The following NT5E variants were observed in gnomAD, a reference collection of about 807,000 sequenced individuals.
NT5E encodes 5'-nucleotidase ecto, also known as 5'-nucleotidase.
A neutral mutation model predicts 55.1 loss-of-function variants in NT5E; 53 were observed. That is an observed-to-expected ratio of 0.96 (90% CI 0.77 to 1.21). The LOEUF is 1.21. Among genes scored for constraint, NT5E ranks in the 50% most tolerant of loss-of-function variants. The pLI is 0.00. For missense variants in NT5E, 683 were observed against 724.3 expected, an observed-to-expected ratio of 0.94 and a Z score of 0.65; for synonymous variants, 270 against 278.4, an observed-to-expected ratio of 0.97 and a Z score of 0.30.
chr6:85,492,292 G>A, intron 8 of NT5E, 115 bp downstream of exon 8: 1 of 902,280 alleles, frequency 1.1e-6, no homozygotes, highest in Non-Finnish European at 1.8e-6. Flanking sequence ...ACTCCCTCCT[G>A]CTTTGCTTGT....
chr6:85,469,367 C>G (rs1769258927), intron 2 of NT5E, among the ~76,000 whole-genome samples: 1 of 152,000 alleles, frequency 6.6e-6, no homozygotes. Context: ...CCCTGGGTAC[C>G]TGTCTGTGTG....
chr6:85,453,800 C>A (rs1313825483), intron 1 of NT5E, among the ~76,000 whole-genome samples: 1 of 152,212 alleles, frequency 6.6e-6, no homozygotes, highest in African/African-American at 2.4e-5. Flanking sequence ...CTTTAACTCA[C>A]CCAGGGGACA....
chr6:85,458,727 G>C (rs75551535), intron 1 of NT5E, among the ~76,000 whole-genome samples: 1 of 152,294 alleles, frequency 6.6e-6, no homozygotes, highest in African/African-American at 2.4e-5. Context: ...CAGAGATATA[G>C]TTGAACCTTC....
chr6:85,476,062 C>A (rs1181193649), intron 3 of NT5E, among the ~76,000 whole-genome samples: 1 of 152,198 alleles, frequency 6.6e-6, no homozygotes. Flanking sequence ...CAAGCAATGT[C>A]CCACGTCACT....
At chr6:85,491,427 C>T (rs1769781577) in intron 7 of NT5E, 1 of 311,092 alleles carries the variant, frequency 3.2e-6, no homozygotes, top group Non-Finnish European at 6.3e-6. Context: ...GCTGTTGAGA[C>T]TGAAGGGCTA....
intron 4 of NT5E, among the ~76,000 whole-genome samples, chr6:85,486,895 A>T (rs1277358821): frequency 6.6e-6 from 1 of 152,214 alleles, no homozygotes; most frequent in Non-Finnish European, 1.5e-5. Context: ...TGTCAGGAAG[A>T]TGAGGTGCAC....
At chr6:85,453,238 G>C (rs567519804) in intron 1 of NT5E, among the ~76,000 whole-genome samples, 130 of 152,278 alleles carry the variant, frequency 8.5e-4, no homozygotes, top group Non-Finnish European at 1.3e-3. Flanking sequence ...CGCTTGGCCT[G>C]GTTACTTTCT....
At chr6:85,475,314 G>T (rs1326765434) in intron 3 of NT5E, among the ~76,000 whole-genome samples, 1 of 152,120 alleles carries the variant, frequency 6.6e-6, no homozygotes, top group African/African-American at 2.4e-5. Context: ...ATTGTAGCTT[G>T]CTCATATTTT....
chr6:85,489,309 GGTAACA>G (rs1467151596), intron 5 of NT5E, among the ~76,000 whole-genome samples, 179 bp from the exon 6 acceptor site: 1 of 152,094 alleles, frequency 6.6e-6, no homozygotes, highest in African/African-American at 2.4e-5. Flanking sequence ...GACATGGACT[GGTAACA>G]GTATATTTTT....
rs1173582960 is a variant in NT5E, at chr6:85,467,253, C to T, written c.533C>T (p.Ser178Phe). ...GTTGTGGGAATCGTTGGATACACTTCCAAAGAAACCCCTTTTCTCTCAAAT... is the reference window on the plus strand; with the variant it reads ...GTTGTGGGAATCGTTGGATACACTTTCAAAGAAACCCCTTTTCTCTCAAAT... ...DEVVGIVGYT[S>F]KETPFLSNPG... Residue 178 changes from serine (S) to phenylalanine (F), a missense_variant, in exon 2 of 9, where the codon TCC becomes TTC. Physicochemically the swap from Ser to Phe is radical, Grantham distance 155 (BLOSUM62 -2). Transcript: ENST00000257770. 6.2e-7 allele frequency: 1 copy of T among 1,614,108 alleles called. No individual in the cohort carries two copies. The highest frequency in any genetic ancestry group is 8.5e-7 in the Non-Finnish European group (1 of 1,179,984).
intron 3 of NT5E, among the ~76,000 whole-genome samples, chr6:85,478,004 G>A (rs922483076): frequency 1.3e-5 from 2 of 148,970 alleles, no homozygotes; most frequent in Non-Finnish European, 3.0e-5. Flanking sequence ...TCCAGCCAGT[G>A]TGACAGAGAG....
At chr6:85,455,853 A>G (rs569310139) in intron 1 of NT5E, among the ~76,000 whole-genome samples, 1 of 152,194 alleles carries the variant, frequency 6.6e-6, no homozygotes, top group Non-Finnish European at 1.5e-5. Flanking sequence ...AATCCCACAC[A>G]CATCTGGTCA....
At chr6:85,465,786 A>G (rs539964079) in intron 1 of NT5E, among the ~76,000 whole-genome samples, 1 of 152,370 alleles carries the variant, frequency 6.6e-6, no homozygotes, top group South Asian at 2.1e-4. Flanking sequence ...GCACTCATAT[A>G]GTCAGGAGAC....
intron 1 of NT5E, among the ~76,000 whole-genome samples, chr6:85,466,075 AGGAGGCCAAT>A (rs1769185975): frequency 6.6e-6 from 1 of 152,208 alleles, no homozygotes; most frequent in African/African-American, 2.4e-5. Context: ...GGGTGTATCC[AGGAGGCCAAT>A]GGAGGAAGGA....
At chr6:85,473,789 C>T (rs1055415088) in intron 3 of NT5E, among the ~76,000 whole-genome samples, 9 of 152,332 alleles carry the variant, frequency 5.9e-5, no homozygotes, top group Middle Eastern at 6.8e-3. Flanking sequence ...TTTCTAAAAA[C>T]TCAGCTTTAA....
intron 1 of NT5E, among the ~76,000 whole-genome samples, chr6:85,466,185 A>G (rs1413786528): frequency 6.6e-6 from 1 of 152,058 alleles, no homozygotes; most frequent in Admixed American, 6.5e-5. Flanking sequence ...CCAGCCCCCA[A>G]CTCACTACGG....
rs541817381 is a variant in NT5E, at chr6:85,472,100, G to T, written c.751+675G>T. On this transcript the variant is annotated intron_variant, in intron 3 of 8. Coordinates refer to ENST00000257770, the MANE Select transcript of NT5E (RefSeq NM_002526.4). ...AAACCTATAATGTCCCAAAACTTTT[G>T]AATCTGGTTCCACCTTTCCCACTTC... 2.6e-4 allele frequency among the ~76,000 whole-genome samples: 40 copies of T among 152,192 alleles called. No homozygotes were observed. In the South Asian group the frequency reaches 7.9e-3, roughly 30 times the overall value.
chr6:85,460,321 C>T (rs1423349886), intron 1 of NT5E, among the ~76,000 whole-genome samples: 4 of 152,118 alleles, frequency 2.6e-5, no homozygotes, highest in African/African-American at 9.7e-5. Flanking sequence ...GCCTCAGAAC[C>T]CTCCTTATCC....
chr6:85,476,525 C>T (rs1769440458), intron 3 of NT5E, among the ~76,000 whole-genome samples: 1 of 152,192 alleles, frequency 6.6e-6, no homozygotes, highest in Admixed American at 6.5e-5. Flanking sequence ...TTACAGTGTG[C>T]TCTTTTAGCT....
Sources: allele counts gnomAD v4.1 joint callset (sites outside exome capture counted in the v4.1 genomes callset), GRCh38; gene constraint gnomAD v4.1.1; transcripts MANE v1.5; gene names NCBI Gene and HGNC (gene_info 2026-07-23, HGNC 2026-07-21).